The following CCDC192 variants were observed in gnomAD, a reference collection of about 807,000 sequenced individuals.
The protein encoded by CCDC192 is coiled-coil domain containing 192, also known as coiled-coil domain-containing protein 192.
intron 3 of CCDC192, among the ~76,000 whole-genome samples, chr5:127,773,510 C>T (rs1448052154): frequency 6.6e-6 from 1 of 152,144 alleles, no homozygotes; most frequent in Non-Finnish European, 1.5e-5. Flanking sequence ...CTGGATATTT[C>T]AGATGAAAGG....
At chr5:127,904,494 A>G (rs1394606493) in intron 6 of CCDC192, among the ~76,000 whole-genome samples, 1 of 134,670 alleles carries the variant, frequency 7.4e-6, no homozygotes, top group South Asian at 2.3e-4. Context: ...TTTGGCAGAG[A>G]CTTTTTTTTT....
chr5:127,775,116 C>T (rs1410383242), intron 3 of CCDC192, among the ~76,000 whole-genome samples: 1 of 152,066 alleles, frequency 6.6e-6, no homozygotes, highest in African/African-American at 2.4e-5. Context: ...CATCTGAGGC[C>T]TTGGTGACCC....
chr5:127,795,166 T>A (rs1210115346), intron 3 of CCDC192, among the ~76,000 whole-genome samples: 1 of 151,794 alleles, frequency 6.6e-6, no homozygotes, highest in East Asian at 1.9e-4. Context: ...GGTGTGAGCC[T>A]GTAGTCCCAC....
chr5:127,840,225 T>C (rs1750222610), intron 5 of CCDC192, among the ~76,000 whole-genome samples: 1 of 152,222 alleles, frequency 6.6e-6, no homozygotes, highest in African/African-American at 2.4e-5. Flanking sequence ...ATAGGATTCT[T>C]GGACTTGACA....
chr5:127,766,071 CT>C (rs1279987748), intron 3 of CCDC192, among the ~76,000 whole-genome samples: 6 of 152,210 alleles, frequency 3.9e-5, no homozygotes, highest in African/African-American at 9.7e-5. Flanking sequence ...TACGTTGACA[CT>C]GCATTTCTGA....
chr5:127,722,198 G>C (rs1295973033), intron 2 of CCDC192, among the ~76,000 whole-genome samples: 2 of 151,976 alleles, frequency 1.3e-5, no homozygotes, highest in South Asian at 2.1e-4. Context: ...TTTGATTTGC[G>C]TTTCTCTGAT....
chr5:127,762,704 T>G (rs563142159), intron 3 of CCDC192, among the ~76,000 whole-genome samples: 8 of 152,168 alleles, frequency 5.3e-5, no homozygotes, highest in Non-Finnish European at 1.2e-4. Flanking sequence ...GACTTTCTTG[T>G]CTTGGAAAAA....
intron 3 of CCDC192, among the ~76,000 whole-genome samples, chr5:127,792,416 C>G (rs536383724): frequency 6.3e-4 from 95 of 151,880 alleles, no homozygotes; most frequent in African/African-American, 2.2e-3. Context: ...GGTAACCATC[C>G]CATGATTCAA....
At chr5:127,842,401 A>T (rs146033226) in intron 5 of CCDC192, among the ~76,000 whole-genome samples, 1 of 152,196 alleles carries the variant, frequency 6.6e-6, no homozygotes, top group East Asian at 1.9e-4. Context: ...AATTGTTTGT[A>T]AAGATGTGGT....
intron 6 of CCDC192, among the ~76,000 whole-genome samples, chr5:127,891,321 T>C (rs1163824714): frequency 6.6e-6 from 1 of 152,208 alleles, no homozygotes; most frequent in African/African-American, 2.4e-5. Context: ...CCCAAAGTGC[T>C]AGGATTACAG....
intron 2 of CCDC192, among the ~76,000 whole-genome samples, chr5:127,708,599 T>G (rs529230923): frequency 6.6e-6 from 1 of 152,276 alleles, no homozygotes; most frequent in African/African-American, 2.4e-5. Context: ...AGACTTGGGA[T>G]GAGGCCAAAA....
At chr5:127,934,666 GTGAA>G (rs1181581063) in intron 6 of CCDC192, among the ~76,000 whole-genome samples, 27 of 152,312 alleles carry the variant, frequency 1.8e-4, no homozygotes, top group African/African-American at 6.3e-4. Context: ...AAAAAAATAA[GTGAA>G]TCATTTATTT....
intron 6 of CCDC192, among the ~76,000 whole-genome samples, 197 bp downstream of exon 6, chr5:127,875,858 G>T (rs961241787): frequency 1.3e-5 from 2 of 151,988 alleles, no homozygotes; most frequent in Admixed American, 1.3e-4. Context: ...ATGAATAAGC[G>T]GTTTGCTCGT....
intron 3 of CCDC192, among the ~76,000 whole-genome samples, chr5:127,771,610 G>T (rs867202140): frequency 6.6e-6 from 1 of 152,200 alleles, no homozygotes; most frequent in African/African-American, 2.4e-5. Context: ...AGGAGCAAAG[G>T]CTTTGTGACA....
At position 127,862,931 on chromosome 5, in the gene CCDC192, A is replaced by T. The variant is rs970840218; in HGVS notation, c.412-12607A>T. ...TAGCATAGACTGTTCCTTTATTTAA[A>T]AAAAAAAAAAAAAAAAAGGAGGAAG... On this transcript the variant is annotated intron_variant, in intron 5 of 6. Coordinates refer to ENST00000514853, the MANE Select transcript of CCDC192 (RefSeq NM_001317938.2). Among the ~76,000 whole-genome samples the T allele has an allele frequency of 9.5e-3, 144 of 15,150 alleles. 2 individuals are homozygous for T. The highest frequency in any genetic ancestry group is 0.016 in the Non-Finnish European group (104 of 6,572). The allele number at this position is 15,150 out of a possible 152,430, so 9.9% of individuals were successfully genotyped here.
chr5:127,734,374 C>T (rs972782123), intron 2 of CCDC192, among the ~76,000 whole-genome samples: 6 of 151,890 alleles, frequency 4.0e-5, no homozygotes, highest in Non-Finnish European at 7.4e-5. Flanking sequence ...GGGAATAATG[C>T]CGCAATAAAC....
rs141969879 is a variant in CCDC192 at position 127,789,356 on chromosome 5, G to C, written c.223-7747G>C. 1.9e-3 allele frequency among the ~76,000 whole-genome samples: 296 copies of C among 152,282 alleles called. 1 individual carries two copies. The highest frequency in any genetic ancestry group is 3.6e-3 in the Non-Finnish European group (244 of 68,010). ...CATAAATAATCATGAGCAGAATATT[G>C]ATGGAAATATGAACAGTAAAGGCCA... On this transcript the variant is annotated intron_variant, in intron 3 of 6. Coordinates refer to ENST00000514853, the MANE Select transcript of CCDC192 (RefSeq NM_001317938.2).
chr5:127,709,102 GGAGAGAGA>G (rs540628735), intron 2 of CCDC192, among the ~76,000 whole-genome samples: 1 of 57,360 alleles, frequency 1.7e-5, no homozygotes, highest in Non-Finnish European at 4.0e-5. Context: ...AGTGGGAGCA[GGAGAGAGA>G]GAGAGAGAGA....
chr5:127,891,043 G>A (rs980282945), intron 6 of CCDC192, among the ~76,000 whole-genome samples: 1 of 152,076 alleles, frequency 6.6e-6, no homozygotes. Context: ...ACACCCAGGA[G>A]AATGACCTTG....
Sources: gnomAD v4.1 joint callset for allele counts (sites outside exome capture counted in the v4.1 genomes callset) on GRCh38, gnomAD v4.1.1 for gene constraint, MANE v1.5 for transcripts, NCBI Gene and HGNC (gene_info 2026-07-23, HGNC 2026-07-21) for gene names.